TENM3: variants seen among roughly 807,000 people sequenced by gnomAD.
The protein encoded by TENM3 is teneurin transmembrane protein 3.
A neutral mutation model predicts 255.1 loss-of-function variants in TENM3; 63 were observed. That is an observed-to-expected ratio of 0.25 (90% CI 0.20 to 0.30). The LOEUF (loss-of-function observed/expected upper bound fraction) is 0.30, where lower values mean the gene tolerates loss of function less well. Ranked by LOEUF, TENM3 falls within the 10% of genes least tolerant of loss-of-function variation. The pLI is 1.00. For synonymous variants in TENM3, 1,306 were observed against 1,322.3 expected, an observed-to-expected ratio of 0.99 and a Z score of 0.27; for missense variants, 2,929 against 3,461.1, an observed-to-expected ratio of 0.85 and a Z score of 3.86.
the TENM3 span, among the ~76,000 whole-genome samples, chr4:181,665,387 G>A: frequency 0.69 from 104,709 of 151,998 alleles, 36,694 homozygotes; most frequent in African/African-American, 0.8. Context: ...CCATTCCTTA[G>A]GAGAAATATT....
At chr4:182,345,241 A>G (rs918948914) in intron 2 of TENM3, among the ~76,000 whole-genome samples, 1 of 152,226 alleles carries the variant, frequency 6.6e-6, no homozygotes, top group Non-Finnish European at 1.5e-5. Context: ...GGCAGCCTGG[A>G]GGGTGCTAAT....
At chr4:181,697,490 T>G in the TENM3 span, among the ~76,000 whole-genome samples, 1 of 152,118 alleles carries the variant, frequency 6.6e-6, no homozygotes, top group Non-Finnish European at 1.5e-5. Flanking sequence ...GCCTCTCAGG[T>G]TCAAGCGATT....
chr4:182,397,783 G>A lies in TENM3; in HGVS notation c.511+50854G>A, dbSNP rs894429737. ...CCCCCTTCCCCCAAGTTTCTGATTCGGTGGCTCTGGGCTATGACTTGCGAA... is the reference window on the plus strand; with the variant it reads ...CCCCCTTCCCCCAAGTTTCTGATTCAGTGGCTCTGGGCTATGACTTGCGAA... On this transcript the variant is annotated intron_variant, in intron 3 of 27. Transcript: ENST00000511685. Among the ~76,000 whole-genome samples the A allele has an allele frequency of 4.6e-5, 7 of 152,070 alleles. No homozygotes were observed. The East Asian group carries it at 9.7e-4, about 21-fold the overall frequency.
At position 182,669,185 on chromosome 4, in the gene TENM3, A is replaced by G. The variant is rs191378248; in HGVS notation, c.1112-3820A>G. Among the ~76,000 whole-genome samples the G allele has an allele frequency of 2.7e-3, 418 of 152,340 alleles. 3 individuals carry two copies. Among genetic ancestry groups the G allele is most frequent in the Non-Finnish European group, 5.0e-3 (343 of 68,032 alleles). On this transcript the variant is annotated intron_variant, in intron 6 of 27. Coordinates refer to ENST00000511685, the MANE Select transcript of TENM3 (RefSeq NM_001080477.4). ...GTACTTTAAAATTAGTTTCATGTAGAAGTCAACCAAAAGACAAAAACTTAT... is the reference window on the plus strand; with the variant it reads ...GTACTTTAAAATTAGTTTCATGTAGGAGTCAACCAAAAGACAAAAACTTAT...
At chr4:182,417,095 T>C (rs1378648080) in intron 3 of TENM3, among the ~76,000 whole-genome samples, 1 of 152,086 alleles carries the variant, frequency 6.6e-6, no homozygotes, top group African/African-American at 2.4e-5. Flanking sequence ...TGCCTCAGCC[T>C]CCCGAGTAGC....
At chr4:182,750,081 A>G (rs1222290470) in intron 19 of TENM3, among the ~76,000 whole-genome samples, 2 of 152,214 alleles carry the variant, frequency 1.3e-5, no homozygotes, top group Non-Finnish European at 2.9e-5. Context: ...GGGATGCAAT[A>G]TGTGTTGCTG....
In TENM3 at chr4:182,754,420, C is replaced by T. The variant is rs1457359288; in HGVS notation, c.4053C>T (p.Asn1351=). The part of the protein sequence containing the change: ...RLEWPTDLAI[N]PMDNSIYVLD... ...AATGGCCCACTGACCTAGCCATTAA[C>T]CCTATGGATAACTCCATTTATGTCC... Residue 1351 remains asparagine (N), a synonymous_variant, in exon 22 of 28, where the codon AAC becomes AAT. Transcript: ENST00000511685. The surrounding 1 kb of genome is among the most constrained non-coding windows in gnomAD (Gnocchi z 5.1). 3 of 1,608,798 alleles carry T rather than the reference C, an allele frequency of 1.9e-6. No individual in the cohort carries two copies. Among genetic ancestry groups the T allele is most frequent in the Admixed American group, 1.7e-5 (1 of 59,314 alleles).
the TENM3 span, among the ~76,000 whole-genome samples, chr4:181,753,530 G>GAA: frequency 4.3e-4 from 62 of 145,416 alleles, no homozygotes; most frequent in Middle Eastern, 3.5e-3. Flanking sequence ...TTGCAAAAAT[G>GAA]AAAAAAAAAA....
the TENM3 span, among the ~76,000 whole-genome samples, chr4:182,011,353 A>G: frequency 2.0e-5 from 3 of 152,070 alleles, no homozygotes; most frequent in Non-Finnish European, 4.4e-5. Flanking sequence ...CATTTCCCAT[A>G]TCCAGATCCA....
chr4:181,653,056 T>C, the TENM3 span, among the ~76,000 whole-genome samples: 3 of 152,212 alleles, frequency 2.0e-5, no homozygotes, highest in South Asian at 6.2e-4. Flanking sequence ...CAGCTGACAT[T>C]ATAACACTTG....
chr4:181,512,588 A>C, the TENM3 span, among the ~76,000 whole-genome samples: 5 of 152,178 alleles, frequency 3.3e-5, no homozygotes, highest in Non-Finnish European at 5.9e-5. Context: ...CAATGATTAC[A>C]AACATCTAAA....
the TENM3 span, among the ~76,000 whole-genome samples, chr4:182,038,931 C>T: frequency 6.6e-6 from 1 of 152,092 alleles, no homozygotes; most frequent in South Asian, 2.1e-4. Context: ...TGAGGTTTCT[C>T]CATGTTGGCC....
At chr4:182,020,476 G>A in the TENM3 span, among the ~76,000 whole-genome samples, 1 of 152,272 alleles carries the variant, frequency 6.6e-6, no homozygotes, top group South Asian at 2.1e-4. Flanking sequence ...ATAAGTTGTA[G>A]TGCTCTATAG....
At chr4:181,500,533 G>T in the TENM3 span, among the ~76,000 whole-genome samples, 1 of 152,142 alleles carries the variant, frequency 6.6e-6, no homozygotes, top group African/African-American at 2.4e-5. Context: ...TCATACAATT[G>T]AGATGCTTAC....
chr4:181,479,991 A>C, the TENM3 span, among the ~76,000 whole-genome samples: 1 of 152,144 alleles, frequency 6.6e-6, no homozygotes, highest in Non-Finnish European at 1.5e-5. Flanking sequence ...CAATCACAGT[A>C]ACCAGTAATG....
intron 3 of TENM3, among the ~76,000 whole-genome samples, chr4:182,419,023 T>G (rs1770596202): frequency 6.6e-6 from 1 of 152,140 alleles, no homozygotes; most frequent in South Asian, 2.1e-4. Flanking sequence ...TTTTGGAAAA[T>G]TAGTTTTCAA....
intron 19 of TENM3, among the ~76,000 whole-genome samples, chr4:182,748,257 A>T (rs1208797624): frequency 6.6e-6 from 1 of 152,200 alleles, no homozygotes; most frequent in Non-Finnish European, 1.5e-5. Flanking sequence ...GTAATATTTC[A>T]AACCTTTCTG....
chr4:182,479,058 T>G (rs1356948343), intron 3 of TENM3, among the ~76,000 whole-genome samples: 1 of 151,964 alleles, frequency 6.6e-6, no homozygotes, highest in Non-Finnish European at 1.5e-5. Flanking sequence ...AAATTGTAGT[T>G]GGAAACTAAA....
At chr4:182,717,627 A>G (rs1759312882) in intron 13 of TENM3, among the ~76,000 whole-genome samples, 1 of 152,236 alleles carries the variant, frequency 6.6e-6, no homozygotes, top group African/African-American at 2.4e-5. Context: ...TAAATCACAC[A>G]GTGGAAATCA....
Sources: allele counts gnomAD v4.1 joint callset (sites outside exome capture counted in the v4.1 genomes callset), GRCh38; gene constraint gnomAD v4.1.1; non-coding constraint Gnocchi (gnomAD v3.1); transcripts MANE v1.5; gene names NCBI Gene and HGNC (gene_info 2026-07-23, HGNC 2026-07-21).